Variants in C8B observed in about 807,000 individuals in gnomAD.
The protein encoded by C8B is complement component C8 beta chain.
A neutral mutation model predicts 64.6 loss-of-function variants in C8B; 67 were observed. The observed-to-expected ratio is 1.04, with a 90% CI of 0.85 to 1.27. The LOEUF (loss-of-function observed/expected upper bound fraction) is 1.27, where lower values mean the gene tolerates loss of function less well. Among genes scored for constraint, C8B ranks in the 50% most tolerant of loss-of-function variants. C8B has a pLI of 0.00. For synonymous variants in C8B, 284 were observed against 257.7 expected, an observed-to-expected ratio of 1.10 and a Z score of -0.98; for missense variants, 790 against 725.2, an observed-to-expected ratio of 1.09 and a Z score of -1.03.
chr1:56,944,180 C>G (rs1161909910), intron 7 of C8B, among the ~76,000 whole-genome samples: 1 of 152,172 alleles, frequency 6.6e-6, no homozygotes, highest in Non-Finnish European at 1.5e-5. Flanking sequence ...CCTGCCCTCC[C>G]TGACCCACCC....
chr1:56,946,197 G>A, intron 6 of C8B, 136 bp from the exon 7 acceptor site: 1 of 976,844 alleles, frequency 1.0e-6, no homozygotes, highest in Admixed American at 1.9e-5. Context: ...GATACTTGAG[G>A]GAAGACAGCC....
intron 9 of C8B, among the ~76,000 whole-genome samples, chr1:56,935,763 T>C (rs1644767204): frequency 6.6e-6 from 1 of 152,180 alleles, no homozygotes. Context: ...GTCACATAGC[T>C]AGTGAGTGGT....
intron 7 of C8B, among the ~76,000 whole-genome samples, chr1:56,945,617 C>A (rs1035593661): frequency 6.6e-6 from 1 of 152,034 alleles, no homozygotes; most frequent in African/African-American, 2.4e-5. Context: ...GATACAATTG[C>A]ATAGAGAGAA....
chr1:56,941,517 GATA>G (rs1644858389), intron 8 of C8B, among the ~76,000 whole-genome samples: 10 of 96,828 alleles, frequency 1.0e-4, no homozygotes, highest in African/African-American at 5.3e-4. Flanking sequence ...TACATAGATA[GATA>G]GATAGATAGA....
intron 4 of C8B, 111 bp downstream of exon 4, chr1:56,954,575 A>G (rs931268085): frequency 4.2e-6 from 6 of 1,433,010 alleles, no homozygotes; most frequent in Non-Finnish European, 5.9e-6. Context: ...GTCTTTTCTC[A>G]GAAAGGTGAG....
chr1:56,946,736 A>G (rs935939010), intron 6 of C8B, among the ~76,000 whole-genome samples: 1 of 152,232 alleles, frequency 6.6e-6, no homozygotes, highest in African/African-American at 2.4e-5. Flanking sequence ...AAAGCTGGTG[A>G]TGCCAGATGA....
At chr1:56,948,241 G>A (rs1429449712) in intron 6 of C8B, among the ~76,000 whole-genome samples, 2 of 152,178 alleles carry the variant, frequency 1.3e-5, no homozygotes, top group African/African-American at 4.8e-5. Context: ...GTTTGAAGGG[G>A]AAAGCTAGGA....
intron 5 of C8B, among the ~76,000 whole-genome samples, chr1:56,950,043 G>T (rs888030156): frequency 3.3e-5 from 5 of 152,196 alleles, no homozygotes; most frequent in Admixed American, 3.3e-4. Context: ...TTAAGCAAAA[G>T]CATGGAGGTG....
At chr1:56,940,440 T>C (rs564455112) in intron 9 of C8B, among the ~76,000 whole-genome samples, 2 of 151,486 alleles carry the variant, frequency 1.3e-5, no homozygotes, top group Non-Finnish European at 2.9e-5. Flanking sequence ...TGTGGTGTCA[T>C]GCACCTATAA....
chr1:56,946,981 C>T (rs1350757397), intron 6 of C8B, among the ~76,000 whole-genome samples: 1 of 152,198 alleles, frequency 6.6e-6, no homozygotes, highest in African/African-American at 2.4e-5. Flanking sequence ...TGACCTATGA[C>T]CCTCTTCCTT....
intron 4 of C8B, among the ~76,000 whole-genome samples, chr1:56,952,528 T>C (rs1645037955): frequency 6.6e-6 from 1 of 152,226 alleles, no homozygotes; most frequent in Non-Finnish European, 1.5e-5. Flanking sequence ...GAGGTTCCAC[T>C]GACACTTGTG....
chr1:56,942,185 C>T lies in C8B; in HGVS notation c.1235-1173G>A, dbSNP rs919833067. On this transcript the variant is annotated intron_variant, in intron 8 of 11. Transcript: ENST00000371237. ...GGGAGAGATGAAGGTACTTACCAGA[C>T]GGCCCTGTCCAGGCCTTAAATTGTC... is the stretch of plus-strand genomic sequence containing the variant. Among the ~76,000 whole-genome samples the T allele has an allele frequency of 2.6e-5, 4 of 152,214 alleles. No homozygotes were observed. In the East Asian group the frequency reaches 5.8e-4, roughly 22 times the overall value.
intron 6 of C8B, among the ~76,000 whole-genome samples, chr1:56,948,922 C>T (rs1644981020): frequency 6.6e-6 from 1 of 151,954 alleles, no homozygotes; most frequent in Non-Finnish European, 1.5e-5. Flanking sequence ...CTTATTGAAA[C>T]CCTAAGGGAA....
Position 56,931,023 on chromosome 1 carries a change from C to T in C8B, c.1621+787G>A, listed in dbSNP as rs146165587. 1.7e-4 allele frequency among the ~76,000 whole-genome samples: 26 copies of T among 152,266 alleles called. No individual in the cohort carries two copies. In the East Asian group the frequency reaches 4.3e-3, roughly 25 times the overall value. On this transcript the variant is annotated intron_variant, in intron 11 of 11. Coordinates refer to ENST00000371237, the MANE Select transcript of C8B (RefSeq NM_000066.4). ...GATGGAGATGGAATTTCAATCCAAGCTGAGTTTAAGCACTCAGCAAAGTGT... is the reference window on the plus strand; with the variant it reads ...GATGGAGATGGAATTTCAATCCAAGTTGAGTTTAAGCACTCAGCAAAGTGT...
At chr1:56,931,409 C>T (rs684782) in intron 11 of C8B, among the ~76,000 whole-genome samples, 48,450 of 151,936 alleles carry the variant, frequency 0.32, 8,258 homozygotes, top group East Asian at 0.52. Flanking sequence ...TTCAAAGTCC[C>T]GGGGGAGCCA....
intron 9 of C8B, among the ~76,000 whole-genome samples, chr1:56,934,983 A>G (rs1349472791): frequency 2.6e-5 from 4 of 152,212 alleles, no homozygotes; most frequent in Non-Finnish European, 5.9e-5. Context: ...AACCTTCCAT[A>G]TATACTGTGT....
At chr1:56,930,089 T>C (rs1644677713) in intron 11 of C8B, among the ~76,000 whole-genome samples, 1 of 152,180 alleles carries the variant, frequency 6.6e-6, no homozygotes, top group Non-Finnish European at 1.5e-5. Flanking sequence ...TAAACATGTG[T>C]TAAATGGATG....
intron 7 of C8B, 82 bp from the exon 8 acceptor site, chr1:56,943,906 A>G (rs1484233997): frequency 2.3e-5 from 35 of 1,522,526 alleles, no homozygotes; most frequent in African/African-American, 4.1e-5. Flanking sequence ...CCAGAGGCCT[A>G]GCCCTGTTGA....
chr1:56,950,216 C>T (rs1645001016), intron 5 of C8B, among the ~76,000 whole-genome samples: 1 of 152,104 alleles, frequency 6.6e-6, no homozygotes, highest in Non-Finnish European at 1.5e-5. Flanking sequence ...TCAAGTATGA[C>T]CTAGCAGAGG....
Sources: allele counts gnomAD v4.1 joint callset (sites outside exome capture counted in the v4.1 genomes callset), GRCh38; gene constraint gnomAD v4.1.1; transcripts MANE v1.5; gene names NCBI Gene and HGNC (gene_info 2026-07-23, HGNC 2026-07-21).